The following ZNF831 variants were observed in gnomAD, a reference collection of about 807,000 sequenced individuals.
The protein encoded by ZNF831 is zinc finger protein 831.
ZNF831 carries 59 observed loss-of-function variants against 95.8 expected under a neutral mutation model. The ratio of observed to expected loss-of-function variants is 0.62; its 90% CI spans 0.50 to 0.77. ZNF831 has a LOEUF of 0.77. Among genes scored for constraint, ZNF831 ranks in the 30% least tolerant of loss-of-function variants. The pLI, the probability that ZNF831 is intolerant of heterozygous loss-of-function variation, is 0.00. For missense variants in ZNF831, 2,205 were observed against 2,164.0 expected, an observed-to-expected ratio of 1.02 and a Z score of -0.38; for synonymous variants, 961 against 925.5, an observed-to-expected ratio of 1.04 and a Z score of -0.70.
chr20:59,256,625 T>C lies in ZNF831; in HGVS notation c.*1882T>C, dbSNP rs796179347. The C allele has an allele frequency of 7.2e-5, 11 of 152,348 alleles. No individual in the cohort carries two copies. Among genetic ancestry groups the C allele is most frequent in the African/African-American group, 2.6e-4 (11 of 41,586 alleles). The allele number at this position is 152,348 out of a possible 1,614,324, so 9.4% of individuals were successfully genotyped here. A position where few individuals can be genotyped will look rare whatever the true frequency, so the allele number is the denominator to read the frequency against. On this transcript the variant is annotated 3_prime_UTR_variant, in exon 6 of 6. Transcript: ENST00000371030. The stretch of plus-strand genomic sequence containing the variant: ...GAATGTATCTCCAGGTTCCAATTTT[T>C]CTGAGAATGGTTGATAGAGAAGCTG...
At chr20:59,137,790 G>A (rs2146441611) in intron 1 of ZNF831, among the ~76,000 whole-genome samples, 1 of 152,286 alleles carries the variant, frequency 6.6e-6, no homozygotes, top group South Asian at 2.1e-4. Flanking sequence ...GCACAGCTGT[G>A]TTATTCTAAG....
intron 2 of ZNF831, among the ~76,000 whole-genome samples, chr20:59,158,080 G>A: frequency 6.6e-6 from 1 of 152,204 alleles, no homozygotes; most frequent in Non-Finnish European, 1.5e-5. Flanking sequence ...CAAGTGCTCA[G>A]GAGCCACATC....
At chr20:59,130,294 C>A (rs142917691) in intron 1 of ZNF831, among the ~76,000 whole-genome samples, 142 of 152,286 alleles carry the variant, frequency 9.3e-4, no homozygotes, top group African/African-American at 3.2e-3. Flanking sequence ...GCTTCAGCAT[C>A]GTGTTCCTTT....
At chr20:59,246,622 CA>C (rs11475769) in intron 4 of ZNF831, among the ~76,000 whole-genome samples, 2,237 of 152,136 alleles carry the variant, frequency 0.015, 58 homozygotes, top group African/African-American at 0.051. Context: ...ATTTTTAAAG[CA>C]AAATTTTAAA....
intron 4 of ZNF831, among the ~76,000 whole-genome samples, chr20:59,249,222 C>CAG (rs1987765536): frequency 2.6e-5 from 4 of 152,086 alleles, no homozygotes; most frequent in Admixed American, 2.0e-4. Flanking sequence ...TAAAACAGTC[C>CAG]TCCCTGGCTA....
rs1384893577 is a variant in ZNF831 at position 59,202,406 on chromosome 20, ACT to A, written c.3876-4496_3876-4495del. 1.3e-4 allele frequency among the ~76,000 whole-genome samples: 19 copies of A among 143,444 alleles called. No homozygotes were observed. In the Admixed American group the frequency reaches 1.3e-3, roughly 10 times the overall value. 94.1% of individuals were successfully genotyped at this position (143,444 alleles called of 152,430 possible). A position where few individuals can be genotyped will look rare whatever the true frequency, so the allele number is the denominator to read the frequency against. On this transcript the variant is annotated intron_variant, in intron 3 of 5. Coordinates refer to ENST00000371030, the MANE Select transcript of ZNF831 (RefSeq NM_178457.3). ...AACCTATGAAGTCTTGGCACATCTG[ACT>A]CTGTTTTATATATTTGCTCTCACAT...
At chr20:59,195,805 T>A in intron 2 of ZNF831, 64 bp from the exon 3 acceptor site, 1 of 1,568,440 alleles carries the variant, frequency 6.4e-7, no homozygotes, top group Non-Finnish European at 8.6e-7. Flanking sequence ...GCGAGAACCC[T>A]TTGGAGTTTT....
chr20:59,240,776 T>G (rs551372457), intron 4 of ZNF831, among the ~76,000 whole-genome samples: 2 of 152,314 alleles, frequency 1.3e-5, no homozygotes, highest in Admixed American at 6.5e-5. Flanking sequence ...CACTCCAGCC[T>G]GGGCGACAGA....
chr20:59,133,508 A>C (rs1466740902), intron 1 of ZNF831, among the ~76,000 whole-genome samples: 1 of 152,250 alleles, frequency 6.6e-6, no homozygotes, highest in Non-Finnish European at 1.5e-5. Context: ...ATCTCCATGC[A>C]GAACCAGATG....
chr20:59,203,860 C>G (rs1336003884), intron 3 of ZNF831, among the ~76,000 whole-genome samples: 2 of 152,144 alleles, frequency 1.3e-5, no homozygotes, highest in Middle Eastern at 3.2e-3. Context: ...TACTCAGAAG[C>G]CTAATTGCCC....
chr20:59,248,470 G>C (rs576650366), intron 4 of ZNF831, among the ~76,000 whole-genome samples: 3 of 152,014 alleles, frequency 2.0e-5, no homozygotes, highest in South Asian at 4.1e-4. Context: ...TAGACTGCAG[G>C]GTCAAAAACA....
chr20:59,124,116 G>GA (rs1242956295), intron 1 of ZNF831, among the ~76,000 whole-genome samples: 1 of 152,156 alleles, frequency 6.6e-6, no homozygotes, highest in Non-Finnish European at 1.5e-5. Flanking sequence ...TGGTGGCAAT[G>GA]TCAGGTGATC....
chr20:59,242,778 C>T (rs1311856442), intron 4 of ZNF831, among the ~76,000 whole-genome samples: 1 of 152,212 alleles, frequency 6.6e-6, no homozygotes, highest in East Asian at 1.9e-4. Flanking sequence ...AGTCCTTCAG[C>T]CACATCTCTC....
intron 1 of ZNF831, among the ~76,000 whole-genome samples, chr20:59,189,521 A>G (rs1419571752): frequency 6.6e-6 from 1 of 152,038 alleles, no homozygotes; most frequent in Non-Finnish European, 1.5e-5. Flanking sequence ...TTTTATTTAT[A>G]TATTTTTTGA....
intron 4 of ZNF831, among the ~76,000 whole-genome samples, chr20:59,233,321 G>A (rs1264764918): frequency 1.3e-5 from 2 of 152,212 alleles, no homozygotes; most frequent in East Asian, 3.9e-4. Context: ...TGGCCAAGGT[G>A]CACCATTTTG....
chr20:59,196,073 G>A, intron 3 of ZNF831, 68 bp downstream of exon 3: 1 of 1,572,524 alleles, frequency 6.4e-7, no homozygotes, highest in South Asian at 1.2e-5. Flanking sequence ...GGATTTGAAA[G>A]GTATCCGTGT....
intron 3 of ZNF831, among the ~76,000 whole-genome samples, chr20:59,202,128 T>G (rs147917916): frequency 1.3e-5 from 2 of 152,318 alleles, no homozygotes; most frequent in African/African-American, 4.8e-5. Context: ...CTGGTTACTT[T>G]TGCAAAGTCT....
chr20:59,225,243 A>G (rs1354867694), intron 4 of ZNF831, among the ~76,000 whole-genome samples: 2 of 152,202 alleles, frequency 1.3e-5, no homozygotes, highest in African/African-American at 4.8e-5. Context: ...GTCTCCTTGA[A>G]GAAGAAGTTG....
In ZNF831 at chr20:59,194,396, C is replaced by T. The variant is rs922546482; in HGVS notation, c.3377C>T (p.Ser1126Phe). The T allele has an allele frequency of 1.3e-5, 21 of 1,609,254 alleles. No homozygotes were observed. The Admixed American group carries it at 2.5e-4, about 19-fold the overall frequency. ...SGPLVGPDPC[S>F]PLQPGSFLTA... Reference sequence around the variant, plus strand: ...CCCCTGGTGGGCCCCGACCCGTGTTCCCCCCTCCAGCCTGGCTCCTTCCTC... The same window carrying T: ...CCCCTGGTGGGCCCCGACCCGTGTTTCCCCCTCCAGCCTGGCTCCTTCCTC... Residue 1126 changes from serine (S) to phenylalanine (F), a missense_variant, in exon 2 of 6, where the codon TCC (serine) becomes TTC (phenylalanine). Physicochemically the swap from Ser to Phe is radical, Grantham distance 155. Coordinates refer to ENST00000371030, the MANE Select transcript of ZNF831 (RefSeq NM_178457.3).
Sources: gnomAD v4.1 joint callset for allele counts (sites outside exome capture counted in the v4.1 genomes callset) on GRCh38, gnomAD v4.1.1 for gene constraint, MANE v1.5 for transcripts, NCBI Gene and HGNC (gene_info 2026-07-23, HGNC 2026-07-21) for gene names.